DYNC2I1: variants seen among roughly 807,000 people sequenced by gnomAD.
DYNC2I1 encodes the protein cytoplasmic dynein 2 intermediate chain 1.
In DYNC2I1, 89 loss-of-function variants were observed where a neutral mutation model predicts 133.4. The ratio of observed to expected loss-of-function variants is 0.67; its 90% CI spans 0.56 to 0.80. The LOEUF (loss-of-function observed/expected upper bound fraction) is 0.80. Among genes scored for constraint, DYNC2I1 ranks in the 30% least tolerant of loss-of-function variants. DYNC2I1 has a pLI of 0.00. For missense variants in DYNC2I1, 1,291 were observed against 1,314.5 expected (o/e 0.98, Z 0.28); for synonymous variants, 504 against 484.3 (o/e 1.04, Z -0.54).
chr7:158,859,403 T>C (rs1219366418), intron 1 of DYNC2I1, among the ~76,000 whole-genome samples: 1 of 152,182 alleles, frequency 6.6e-6, no homozygotes, highest in Non-Finnish European at 1.5e-5. Flanking sequence ...TTATCTGTGA[T>C]GTTTTGAATA....
chr7:158,937,826 G>A (rs556890130), intron 23 of DYNC2I1, among the ~76,000 whole-genome samples: 65 of 151,950 alleles, frequency 4.3e-4, no homozygotes, highest in African/African-American at 1.4e-3. Flanking sequence ...CTTGAGCCTG[G>A]AAGGCCAAGG....
intron 12 of DYNC2I1, 82 bp downstream of exon 12, chr7:158,911,761 C>T: frequency 1.4e-6 from 2 of 1,459,886 alleles, no homozygotes; most frequent in Non-Finnish European, 1.8e-6. Flanking sequence ...GAATAATGTT[C>T]TGCAATATTA....
At chr7:158,947,722 C>G (rs895325559), downstream of DYNC2I1, among the ~76,000 whole-genome samples, 10 of 152,356 alleles carry the variant, frequency 6.6e-5, no homozygotes, top group African/African-American at 1.9e-4. Context: ...GCTCACTCCC[C>G]CCTCTGAAGC....
chr7:158,887,091 CTGAG>C lies in DYNC2I1; in HGVS notation c.990+17_990+20del. 1 of 1,610,692 alleles carries C rather than the reference CTGAG, an allele frequency of 6.2e-7. No homozygotes were observed. Among genetic ancestry groups the C allele is most frequent in the Non-Finnish European group, 8.5e-7 (1 of 1,177,088 alleles). On this transcript the variant is annotated intron_variant, in intron 7 of 24. Coordinates refer to ENST00000407559, the MANE Select transcript of DYNC2I1 (RefSeq NM_018051.5). ...AAGACGGAAGGTAAGGCAGTCTCCA[CTGAG>C]AATACATTGATTTTATGGTACATTG...
In DYNC2I1 at chr7:158,902,320, G is replaced by A. The variant is rs1040528975; in HGVS notation, c.1138-56G>A. 9.7e-6 allele frequency: 14 copies of A among 1,449,414 alleles called. No individual in the cohort carries two copies. In the South Asian group the frequency reaches 1.2e-4, roughly 13 times the overall value. The allele number at this position is 1,449,414 out of a possible 1,614,324, so 89.8% of individuals were successfully genotyped here. A position where few individuals can be genotyped will look rare whatever the true frequency, so the allele number is the denominator to read the frequency against. ...GTGTCATGTTTTGTTCAGTATGAGG[G>A]ATAATTGAAAGTCAGTTTGTCTTAA... On this transcript the variant is annotated intron_variant, in intron 9 of 24. Transcript: ENST00000407559.
At chr7:158,931,307 A>G (rs1197637814) in intron 21 of DYNC2I1, among the ~76,000 whole-genome samples, 1 of 152,202 alleles carries the variant, frequency 6.6e-6, no homozygotes, top group African/African-American at 2.4e-5. Flanking sequence ...TCAGGGGTCA[A>G]AATTTTGGGG....
At chr7:158,952,605 T>C (rs1008626503) in intron 4 of DYNC2I1, among the ~76,000 whole-genome samples, 4 of 151,850 alleles carry the variant, frequency 2.6e-5, no homozygotes, top group African/African-American at 9.7e-5. Context: ...AGCCTTGAAC[T>C]GTGGACAGGG....
intron 17 of DYNC2I1, among the ~76,000 whole-genome samples, chr7:158,925,859 C>T (rs898415276): frequency 3.9e-5 from 6 of 152,118 alleles, no homozygotes; most frequent in Non-Finnish European, 8.8e-5. Context: ...GATTTGGCCT[C>T]GCAGAGACTT....
At position 158,901,785 on chromosome 7, in the gene DYNC2I1, C is replaced by T. The variant is rs750663679; in HGVS notation, c.1106C>T (p.Ala369Val). The change falls in exon 9 of 25, where the codon GCA becomes GTA. Residue 369 changes from alanine (A) to valine (V), a missense_variant. By Grantham distance (64) the Ala-to-Val change is moderately conservative. Transcript: ENST00000407559. ...GATTTAGAAAATGCTAGAGCTGATG[C>T]ATATACAGCCAGTTGTGAAGATGAT... The part of the protein sequence containing the change: ...ETDLENARAD[A>V]YTASCEDDFE... 1.6e-5 allele frequency: 26 copies of T among 1,581,302 alleles called. No homozygotes were observed. The South Asian group carries it at 2.9e-4, about 18-fold the overall frequency.
At chr7:158,846,605 T>C in the DYNC2I1 span, among the ~76,000 whole-genome samples, 1 of 152,200 alleles carries the variant, frequency 6.6e-6, no homozygotes, top group Non-Finnish European at 1.5e-5. Context: ...AAATACATAA[T>C]ACAAAACTAA....
At chr7:158,932,416 G>A (rs768140604) in intron 21 of DYNC2I1, among the ~76,000 whole-genome samples, 2 of 152,256 alleles carry the variant, frequency 1.3e-5, no homozygotes, top group East Asian at 3.9e-4. Context: ...CAGTGGGTCC[G>A]ATGTTGAGGG....
At chr7:158,950,935 C>T (rs1044562377), downstream of DYNC2I1, among the ~76,000 whole-genome samples, 6 of 139,912 alleles carry the variant, frequency 4.3e-5, no homozygotes, top group Non-Finnish European at 9.5e-5. Context: ...TATACTGCAC[C>T]GGGACCAGCC....
chr7:158,902,553 C>G lies in DYNC2I1; in HGVS notation c.1315C>G (p.Gln439Glu), dbSNP rs372622058. 2.2e-4 allele frequency: 362 copies of G among 1,613,848 alleles called. No individual in the cohort carries two copies. The highest frequency in any genetic ancestry group is 2.9e-4 in the Non-Finnish European group (345 of 1,179,894). ...TGGCGAGTTATCTTTGAAACTGTTT[C>G]AGAAGCGAGGTAGAACAGAATTTGA... Reference protein sequence around the residue: ...RIGELSLKLFQKRGRTEFEKE... With the variant: ...RIGELSLKLFEKRGRTEFEKE... The change falls in exon 10 of 25, where the codon CAG becomes GAG. Residue 439 changes from glutamine to glutamate, a missense_variant. By Grantham distance (29) the Gln-to-Glu change is conservative. Coordinates refer to ENST00000407559, the MANE Select transcript of DYNC2I1 (RefSeq NM_018051.5).
At position 158,945,801 on chromosome 7, in the gene DYNC2I1, C is replaced by A. The variant is rs558445392; in HGVS notation, c.*22C>A. 4.0e-6 allele frequency: 6 copies of A among 1,502,208 alleles called. No individual in the cohort carries two copies. Among genetic ancestry groups the A allele is most frequent in the African/African-American group, 2.8e-5 (2 of 71,500 alleles). The allele number at this position is 1,502,208 out of a possible 1,614,324, so 93.1% of individuals were successfully genotyped here. ...GTAGCGGGTGTGGCTGAGAGGACCG[C>A]GTTTCTGTAATGACCCAGATTTAAA... On this transcript the variant is annotated 3_prime_UTR_variant, in exon 25 of 25. Coordinates refer to ENST00000407559, the MANE Select transcript of DYNC2I1 (RefSeq NM_018051.5). This position sits in a 1 kb window ranked among gnomAD's most constrained non-coding sequence, Gnocchi z 4.1.
At chr7:158,874,247 C>T (rs1205888374) in intron 3 of DYNC2I1, among the ~76,000 whole-genome samples, 1 of 143,426 alleles carries the variant, frequency 7.0e-6, no homozygotes, top group Non-Finnish European at 1.5e-5. Context: ...TCACTCTGTT[C>T]CCCAGGCTGG....
chr7:158,903,332 A>T (rs1846423039), intron 10 of DYNC2I1: 1 of 113,724 alleles, frequency 8.8e-6, no homozygotes, highest in African/African-American at 4.6e-5. Context: ...AAATTGCTTT[A>T]AAGGAAAACT....
chr7:158,924,156 G>A (rs756287154), intron 17 of DYNC2I1, among the ~76,000 whole-genome samples: 1 of 152,214 alleles, frequency 6.6e-6, no homozygotes, highest in Non-Finnish European at 1.5e-5. Context: ...ATACTATGCC[G>A]TGCCCAGCCA....
In DYNC2I1 at chr7:158,879,820, G is replaced by T; in HGVS notation, c.710G>T (p.Arg237Ile). The T allele has an allele frequency of 6.2e-7, 1 of 1,612,798 alleles. No individual in the cohort carries two copies. Residue 237 changes from arginine to isoleucine, a missense_variant, in exon 5 of 25, where the codon AGA becomes ATA. Physicochemically the swap from Arg to Ile is moderately conservative, Grantham distance 97. Coordinates refer to ENST00000407559, the MANE Select transcript of DYNC2I1 (RefSeq NM_018051.5). ...HREKSSTREK[R>I]EKYSKEKSNS... is the part of the protein sequence containing the mutation. ...GAAAAAAGCAGCACAAGGGAAAAAA[G>T]AGAGAAATATTCCAAAGAGAAAAGT...
intron 6 of DYNC2I1, among the ~76,000 whole-genome samples, chr7:158,886,045 A>G (rs979807277): frequency 2.0e-5 from 3 of 148,632 alleles, no homozygotes; most frequent in Admixed American, 6.7e-5. Flanking sequence ...ATTATATAAC[A>G]TATTTATATT....
Sources: allele counts gnomAD v4.1 joint callset (sites outside exome capture counted in the v4.1 genomes callset), GRCh38; gene constraint gnomAD v4.1.1; non-coding constraint Gnocchi (gnomAD v3.1); transcripts MANE v1.5; gene names NCBI Gene and HGNC (gene_info 2026-07-23, HGNC 2026-07-21).